The following PPM1D variants were observed in gnomAD, a reference collection of about 807,000 sequenced individuals.
PPM1D encodes the protein protein phosphatase, Mg2+/Mn2+ dependent 1D, also known as protein phosphatase 1D.
PPM1D carries 52 observed loss-of-function variants against 58.3 expected under a neutral mutation model. The observed-to-expected ratio is 0.89, with a 90% CI of 0.71 to 1.12. The LOEUF is 1.12. Among genes scored for constraint, PPM1D ranks in the 50% most tolerant of loss-of-function variants. PPM1D has a pLI of 0.00. For synonymous variants in PPM1D, 278 were observed against 285.1 expected (o/e 0.98, Z 0.25); for missense variants, 564 against 777.2 (o/e 0.73, Z 3.26).
rs1222135379 is a variant in PPM1D at position 60,600,510 on chromosome 17, A to G, written c.96A>G (p.Glu32=). Residue 32 remains glutamate, a synonymous_variant, in exon 1 of 6, where the codon GAA becomes GAG. Coordinates refer to ENST00000305921, the MANE Select transcript of PPM1D (RefSeq NM_003620.4). The part of the protein sequence containing the change: ...EDVTQIVVEP[E]PTAEEKPSPR... The stretch of plus-strand genomic sequence containing the variant: ...TTACTCAAATCGTTGTGGAGCCCGA[A>G]CCGACGGCTGAAGAAAAGCCCTCGC... 1 of 1,567,880 alleles carries G rather than the reference A, an allele frequency of 6.4e-7. No homozygotes were observed. The highest frequency in any genetic ancestry group is 8.6e-7 in the Non-Finnish European group (1 of 1,156,732).
At chr17:60,601,715 A>G (rs1314382796) in intron 1 of PPM1D, among the ~76,000 whole-genome samples, 1 of 152,244 alleles carries the variant, frequency 6.6e-6, no homozygotes, top group Non-Finnish European at 1.5e-5. Context: ...ACTGTATGCT[A>G]GAAGGAAATA....
intron 1 of PPM1D, among the ~76,000 whole-genome samples, chr17:60,608,516 T>C (rs2030380236): frequency 6.6e-6 from 1 of 151,976 alleles, no homozygotes; most frequent in South Asian, 2.1e-4. Flanking sequence ...TGGCATGCGC[T>C]GGTAGTCCCA....
chr17:60,637,226 T>G (rs947628846), intron 3 of PPM1D, among the ~76,000 whole-genome samples: 2 of 151,970 alleles, frequency 1.3e-5, no homozygotes, highest in African/African-American at 4.8e-5. Flanking sequence ...ACTCATGAAT[T>G]TTTCTCTTTT....
chr17:60,608,525 C>T (rs1040747808), intron 1 of PPM1D, among the ~76,000 whole-genome samples: 2 of 151,988 alleles, frequency 1.3e-5, no homozygotes, highest in South Asian at 4.2e-4. Context: ...CTGGTAGTCC[C>T]AGCTACAGTG....
chr17:60,623,244 A>G (rs115766761), intron 1 of PPM1D, among the ~76,000 whole-genome samples: 1,690 of 152,062 alleles, frequency 0.011, 27 homozygotes, highest in African/African-American at 0.036. Flanking sequence ...AGTTAGGACT[A>G]AGAGTCATGT....
In PPM1D at chr17:60,656,729, G is replaced by A. The variant is rs2031446176; in HGVS notation, c.1148G>A (p.Gly383Glu). ...ATCTCTCCAGAAGTGGACAATCAGG[G>A]AAACTTTACCAATGAAGATGAGTTA... ...ICISPEVDNQGNFTNEDELYL... is the reference protein window; with the variant it reads ...ICISPEVDNQENFTNEDELYL... Residue 383 changes from glycine to glutamate, a missense_variant, in exon 5 of 6, where the codon GGA (glycine) becomes GAA (glutamate). Transcript: ENST00000305921. The A allele has an allele frequency of 1.9e-6, 3 of 1,614,160 alleles. No homozygotes were observed. The Middle Eastern group carries it at 4.9e-4, about 266-fold the overall frequency.
At chr17:60,661,847 C>T (rs1466215710) in intron 5 of PPM1D, among the ~76,000 whole-genome samples, 1 of 152,092 alleles carries the variant, frequency 6.6e-6, no homozygotes, top group African/African-American at 2.4e-5. Context: ...ATGCTTTCCA[C>T]ACTACATACT....
chr17:60,629,360 C>G (rs138866388), intron 2 of PPM1D, among the ~76,000 whole-genome samples: 2 of 152,340 alleles, frequency 1.3e-5, no homozygotes, highest in East Asian at 1.9e-4. Flanking sequence ...GTCTTGCTTA[C>G]AACTGAGCCA....
chr17:60,610,628 T>C (rs1490643657), intron 1 of PPM1D, among the ~76,000 whole-genome samples: 2 of 152,236 alleles, frequency 1.3e-5, no homozygotes, highest in African/African-American at 2.4e-5. Flanking sequence ...ATTTTTTTTA[T>C]TGGAGCACTG....
In PPM1D at chr17:60,663,529, A is replaced by G; in HGVS notation, c.1795A>G (p.Arg599Gly). The G allele has an allele frequency of 6.2e-7, 1 of 1,609,652 alleles. No individual in the cohort carries two copies. The highest frequency in any genetic ancestry group is 8.5e-7 in the Non-Finnish European group (1 of 1,179,600). ...TGGAAATCCTTTACTTCATCAACAC[A>G]GGAAAACTGTTTGTGTTTGCTGAAA... is the stretch of plus-strand genomic sequence containing the variant. Reference protein sequence around the residue: ...KIGNPLLHQHRKTVCVC With the variant: ...KIGNPLLHQHGKTVCVC The change falls in exon 6 of 6, where the codon AGG becomes GGG. Residue 599 changes from arginine (R) to glycine (G), a missense_variant. Around this residue, in one of 7 missense-constraint regions of PPM1D, gnomAD observed 261 missense variants for 270.1 expected, o/e 0.97. Coordinates refer to ENST00000305921, the MANE Select transcript of PPM1D (RefSeq NM_003620.4).
At chr17:60,659,775 T>C (rs1289031580) in intron 5 of PPM1D, among the ~76,000 whole-genome samples, 1 of 152,156 alleles carries the variant, frequency 6.6e-6, no homozygotes, top group East Asian at 1.9e-4. Flanking sequence ...CTGGGGTACA[T>C]CTAAGAAGTC....
At chr17:60,634,049 A>G (rs1400911438) in intron 3 of PPM1D, 72 bp downstream of exon 3, 10 of 1,517,984 alleles carry the variant, frequency 6.6e-6, no homozygotes, top group Non-Finnish European at 9.0e-6. Context: ...AAAAGAGGAG[A>G]CAGAACTAAA....
At chr17:60,642,306 CTG>C (rs1434592619) in intron 3 of PPM1D, among the ~76,000 whole-genome samples, 2 of 146,614 alleles carry the variant, frequency 1.4e-5, no homozygotes, top group Non-Finnish European at 3.0e-5. Flanking sequence ...AAAAAAGAAT[CTG>C]TAAGTCTATA....
chr17:60,638,237 T>G (rs981035284), intron 3 of PPM1D, among the ~76,000 whole-genome samples: 1 of 152,244 alleles, frequency 6.6e-6, no homozygotes, highest in Admixed American at 6.5e-5. Flanking sequence ...ATAAAAAAGC[T>G]TTTTTCCTCT....
intron 1 of PPM1D, among the ~76,000 whole-genome samples, chr17:60,603,345 T>G (rs2030259832): frequency 6.6e-6 from 1 of 152,094 alleles, no homozygotes; most frequent in Non-Finnish European, 1.5e-5. Flanking sequence ...AATATTTCTT[T>G]AAAAACAAAC....
chr17:60,660,713 A>G, intron 5 of PPM1D, among the ~76,000 whole-genome samples: 1 of 152,036 alleles, frequency 6.6e-6, no homozygotes, highest in Non-Finnish European at 1.5e-5. Flanking sequence ...GTGAACAGAG[A>G]TCGCGCCACT....
chr17:60,636,820 T>C (rs970148778), intron 3 of PPM1D, among the ~76,000 whole-genome samples: 3 of 151,668 alleles, frequency 2.0e-5, no homozygotes, highest in Non-Finnish European at 2.9e-5. Flanking sequence ...GGGCTACAGG[T>C]GCATGCCATC....
intron 1 of PPM1D, among the ~76,000 whole-genome samples, chr17:60,610,842 T>C (rs1300361437): frequency 1.3e-5 from 2 of 152,224 alleles, no homozygotes; most frequent in Non-Finnish European, 2.9e-5. Flanking sequence ...TCACTAGATA[T>C]TGCCAAATTG....
intron 1 of PPM1D, among the ~76,000 whole-genome samples, chr17:60,608,948 C>T (rs531702766): frequency 4.7e-4 from 72 of 151,720 alleles, no homozygotes; most frequent in Admixed American, 4.6e-3. Flanking sequence ...GGGGTTTCAC[C>T]GTGTTAGCCA....
Sources: gnomAD v4.1 joint callset for allele counts (sites outside exome capture counted in the v4.1 genomes callset) on GRCh38, gnomAD v4.1.1 for gene constraint, gnomAD v4.1.1 regional missense constraint, MANE v1.5 for transcripts, NCBI Gene and HGNC (gene_info 2026-07-23, HGNC 2026-07-21) for gene names.